TMEM108: variants seen among roughly 807,000 people sequenced by gnomAD.
The protein encoded by TMEM108 is cancer/testis antigen 124.
In TMEM108, 12 loss-of-function variants were observed where a neutral mutation model predicts 35.1. The ratio of observed to expected loss-of-function variants is 0.34; its 90% CI spans 0.22 to 0.55. The LOEUF (loss-of-function observed/expected upper bound fraction) is 0.55, where lower values mean the gene tolerates loss of function less well. TMEM108 is among the 20% of genes least tolerant of loss of function. The probability of loss-of-function intolerance (pLI) is 0.89; values close to 1 mark genes in which losing one functional copy is unlikely to be tolerated. For synonymous variants in TMEM108, 287 were observed against 308.6 expected (o/e 0.93, Z 0.73); for missense variants, 680 against 753.3 (o/e 0.90, Z 1.14).
intron 4 of TMEM108, chr3:133,389,124 G>C: frequency 1.0e-6 from 1 of 985,642 alleles, no homozygotes; most frequent in Non-Finnish European, 1.2e-6. Context: ...TTGTCCTTGT[G>C]TTACCCTTCT....
intron 2 of TMEM108, among the ~76,000 whole-genome samples, chr3:133,119,845 A>T (rs932057374): frequency 2.0e-5 from 3 of 152,216 alleles, no homozygotes; most frequent in African/African-American, 7.2e-5. Context: ...TATTGTAATT[A>T]ATTACGTGCC....
intron 2 of TMEM108, among the ~76,000 whole-genome samples, chr3:133,161,312 C>T (rs1338024074): frequency 6.6e-6 from 1 of 152,158 alleles, no homozygotes; most frequent in Non-Finnish European, 1.5e-5. Flanking sequence ...TTAACATCCT[C>T]GAGGGGCATT....
At chr3:133,207,758 A>G (rs1251565877) in intron 2 of TMEM108, among the ~76,000 whole-genome samples, 1 of 152,182 alleles carries the variant, frequency 6.6e-6, no homozygotes, top group Non-Finnish European at 1.5e-5. Context: ...GGGGTCAATC[A>G]TATAGCATTA....
intron 2 of TMEM108, among the ~76,000 whole-genome samples, chr3:133,092,256 A>G (rs1002001261): frequency 6.6e-6 from 1 of 152,248 alleles, no homozygotes; most frequent in Non-Finnish European, 1.5e-5. Flanking sequence ...TATGTAAAAG[A>G]TAGCAGATGT....
At chr3:133,269,187 A>C (rs1420704531) in intron 3 of TMEM108, among the ~76,000 whole-genome samples, 1 of 152,236 alleles carries the variant, frequency 6.6e-6, no homozygotes, top group Non-Finnish European at 1.5e-5. Flanking sequence ...TTAATGCTGG[A>C]TCTCAGAACT....
chr3:133,218,099 G>GT (rs1425358800), intron 2 of TMEM108, among the ~76,000 whole-genome samples: 5 of 151,902 alleles, frequency 3.3e-5, no homozygotes, highest in Non-Finnish European at 7.4e-5. Context: ...TTCATTAATA[G>GT]TTTGTAGTTT....
At chr3:133,344,069 A>C (rs112738515) in intron 3 of TMEM108, among the ~76,000 whole-genome samples, 10 of 152,002 alleles carry the variant, frequency 6.6e-5, no homozygotes, top group Non-Finnish European at 1.5e-4. Context: ...AAGGTTGGGA[A>C]CCACTGTTAC....
At chr3:133,160,149 G>A (rs1444261617) in intron 2 of TMEM108, among the ~76,000 whole-genome samples, 2 of 152,208 alleles carry the variant, frequency 1.3e-5, no homozygotes, top group East Asian at 3.8e-4. Context: ...CCTCCAGGTA[G>A]GCAGGCTTCC....
chr3:133,266,624 A>G (rs1038385945), intron 3 of TMEM108, among the ~76,000 whole-genome samples: 1 of 152,212 alleles, frequency 6.6e-6, no homozygotes, highest in Non-Finnish European at 1.5e-5. Context: ...AAATCTCCAC[A>G]GGTAATTCTG....
intron 3 of TMEM108, among the ~76,000 whole-genome samples, chr3:133,233,221 G>C (rs1946182141): frequency 6.6e-6 from 1 of 151,994 alleles, no homozygotes; most frequent in Non-Finnish European, 1.5e-5. Flanking sequence ...CCCAGAGTGT[G>C]ATGTTCCCCT....
In TMEM108 at chr3:133,396,924, G is replaced by A. The variant is rs186587206; in HGVS notation, c.*938G>A. 1.1e-4 allele frequency: 16 copies of A among 152,268 alleles called. No homozygotes were observed. The highest frequency in any genetic ancestry group is 3.6e-4 in the African/African-American group (15 of 41,552). 9.4% of individuals were successfully genotyped at this position (152,268 alleles called of 1,614,324 possible). ...CTAAGAAGCTTTGAGGTAGTAGAGC[G>A]ATAATTTTTGAAACCTTCCTCCTGC... On this transcript the variant is annotated 3_prime_UTR_variant, in exon 6 of 6. Coordinates refer to ENST00000321871, the MANE Select transcript of TMEM108 (RefSeq NM_023943.4).
intron 2 of TMEM108, among the ~76,000 whole-genome samples, chr3:133,046,867 A>C (rs969793263): frequency 7.9e-5 from 12 of 152,124 alleles, no homozygotes; most frequent in African/African-American, 2.9e-4. Flanking sequence ...AAAGAAACAT[A>C]CTTAACTGAA....
At position 133,240,003 on chromosome 3, in the gene TMEM108, G is replaced by A. The variant is rs187126218; in HGVS notation, c.40+10652G>A. Reference sequence around the variant, plus strand: ...TAAGAATGAGAAGGGCACAAGGAATGGGCTGGCTAGGGTTATAAAGCAAAA... The same window carrying A: ...TAAGAATGAGAAGGGCACAAGGAATAGGCTGGCTAGGGTTATAAAGCAAAA... On this transcript the variant is annotated intron_variant, in intron 3 of 5. Coordinates refer to ENST00000321871, the MANE Select transcript of TMEM108 (RefSeq NM_023943.4). 3.3e-5 allele frequency among the ~76,000 whole-genome samples: 5 copies of A among 152,320 alleles called. No homozygotes were observed. In the East Asian group the frequency reaches 9.6e-4, roughly 29 times the overall value.
chr3:133,193,784 T>C (rs1945535378), intron 2 of TMEM108, among the ~76,000 whole-genome samples: 1 of 152,190 alleles, frequency 6.6e-6, no homozygotes, highest in Non-Finnish European at 1.5e-5. Flanking sequence ...GATGGGCATT[T>C]TTCTTTTACA....
At chr3:133,203,739 T>G (rs904718538) in intron 2 of TMEM108, among the ~76,000 whole-genome samples, 4 of 152,214 alleles carry the variant, frequency 2.6e-5, no homozygotes, top group Non-Finnish European at 4.4e-5. Flanking sequence ...TCATCAGGGA[T>G]ATTGGCCTGA....
chr3:133,116,696 C>G (rs1482810089), intron 2 of TMEM108, among the ~76,000 whole-genome samples: 2 of 152,200 alleles, frequency 1.3e-5, no homozygotes, highest in African/African-American at 4.8e-5. Context: ...TTGCCAAGCG[C>G]TCTTGTTGTC....
At chr3:133,141,763 T>C (rs1944644777) in intron 2 of TMEM108, among the ~76,000 whole-genome samples, 1 of 152,194 alleles carries the variant, frequency 6.6e-6, no homozygotes. Context: ...TTCATGGTTA[T>C]CATTATTGCT....
At chr3:133,060,937 T>A (rs1397219694) in intron 2 of TMEM108, among the ~76,000 whole-genome samples, 1 of 152,236 alleles carries the variant, frequency 6.6e-6, no homozygotes, top group Non-Finnish European at 1.5e-5. Flanking sequence ...ACAGGTCAAC[T>A]GTGGAATACC....
chr3:133,129,069 G>A (rs1312028997), intron 2 of TMEM108, among the ~76,000 whole-genome samples: 1 of 152,150 alleles, frequency 6.6e-6, no homozygotes, highest in Non-Finnish European at 1.5e-5. Context: ...AACAGGCTGG[G>A]CACAGTGGCT....
Sources: allele counts gnomAD v4.1 joint callset (sites outside exome capture counted in the v4.1 genomes callset), GRCh38; gene constraint gnomAD v4.1.1; transcripts MANE v1.5; gene names NCBI Gene and HGNC (gene_info 2026-07-23, HGNC 2026-07-21).